Variants in CADM2 observed in about 807,000 individuals in gnomAD.
CADM2 encodes immunoglobulin superfamily member 4D.
CADM2 carries 12 observed loss-of-function variants against 49.8 expected under a neutral mutation model. The ratio of observed to expected loss-of-function variants is 0.24; its 90% CI spans 0.15 to 0.39. CADM2 has a LOEUF of 0.39. CADM2 is among the 10% of genes least tolerant of loss of function. The pLI, the probability that CADM2 is intolerant of heterozygous loss-of-function variation, is 1.00. For missense variants in CADM2, 378 were observed against 492.3 expected (o/e 0.77, Z 2.20); for synonymous variants, 214 against 175.4 (o/e 1.22, Z -1.74).
chr3:84,967,117 A>G (rs907925020), intron 1 of CADM2, among the ~76,000 whole-genome samples: 17 of 152,132 alleles, frequency 1.1e-4, no homozygotes, highest in African/African-American at 3.6e-4. Context: ...GAATGAGAAC[A>G]TACCTTTCCT....
intron 1 of CADM2, among the ~76,000 whole-genome samples, chr3:85,259,905 C>T (rs2042976216): frequency 6.6e-6 from 1 of 151,970 alleles, no homozygotes; most frequent in African/African-American, 2.4e-5. Context: ...AATCGTTGTG[C>T]CAGGGTTTCC....
chr3:85,546,539 T>C (rs1469743220), intron 1 of CADM2, among the ~76,000 whole-genome samples: 1 of 152,028 alleles, frequency 6.6e-6, no homozygotes, highest in African/African-American at 2.4e-5. Context: ...AACATTAGAA[T>C]GGGCTCCAAG....
chr3:85,755,789 T>A (rs1209413003), intron 2 of CADM2, among the ~76,000 whole-genome samples: 1 of 152,074 alleles, frequency 6.6e-6, no homozygotes, highest in East Asian at 1.9e-4. Flanking sequence ...ACCCCCATGA[T>A]CCAATCACCC....
intron 3 of CADM2, among the ~76,000 whole-genome samples, chr3:85,876,867 G>C (rs1355252780): frequency 2.0e-5 from 3 of 152,088 alleles, no homozygotes; most frequent in African/African-American, 7.2e-5. Context: ...CCTTTTGTTA[G>C]AAATGGGCAT....
intron 1 of CADM2, among the ~76,000 whole-genome samples, chr3:85,495,255 A>G (rs2039840362): frequency 6.6e-6 from 1 of 152,196 alleles, no homozygotes; most frequent in African/African-American, 2.4e-5. Flanking sequence ...CTTCTCTTCC[A>G]TGAATAACTT....
intron 1 of CADM2, among the ~76,000 whole-genome samples, chr3:85,371,677 G>GTGTGTATATATATATATATA (rs1251505613): frequency 1.1e-5 from 1 of 95,152 alleles, no homozygotes; most frequent in Admixed American, 1.3e-4. Context: ...GTGTGTGTGT[G>GTGTGTATATATATATATATA]TATATATATA....
At chr3:85,031,567 T>A (rs1466700331) in intron 1 of CADM2, among the ~76,000 whole-genome samples, 1 of 152,100 alleles carries the variant, frequency 6.6e-6, no homozygotes, top group Non-Finnish European at 1.5e-5. Context: ...CGGGCTGGAG[T>A]GCAGTGGCGC....
At chr3:85,261,199 A>G (rs982855028) in intron 1 of CADM2, among the ~76,000 whole-genome samples, 3 of 151,934 alleles carry the variant, frequency 2.0e-5, no homozygotes, top group Non-Finnish European at 4.4e-5. Flanking sequence ...TGCAGTGGCA[A>G]GATCTTGGCT....
At chr3:85,641,770 C>CA (rs34883542) in intron 1 of CADM2, among the ~76,000 whole-genome samples, 5,709 of 144,734 alleles carry the variant, frequency 0.039, 240 homozygotes, top group African/African-American at 0.1. Flanking sequence ...ACTAAAAATA[C>CA]AAAAAAAAAA....
At chr3:85,890,312 G>C (rs1404722447) in intron 5 of CADM2, among the ~76,000 whole-genome samples, 1 of 152,110 alleles carries the variant, frequency 6.6e-6, no homozygotes, top group Non-Finnish European at 1.5e-5. Context: ...TAGGGGAAAG[G>C]TAAATTATGC....
chr3:85,436,680 T>C (rs1213386893), intron 1 of CADM2, among the ~76,000 whole-genome samples: 1 of 152,212 alleles, frequency 6.6e-6, no homozygotes, highest in Admixed American at 6.6e-5. Flanking sequence ...AAATCAAACA[T>C]TTTAAAGTAA....
At chr3:85,859,719 G>C (rs2075451172) in intron 3 of CADM2, among the ~76,000 whole-genome samples, 1 of 152,060 alleles carries the variant, frequency 6.6e-6, no homozygotes, top group Non-Finnish European at 1.5e-5. Flanking sequence ...TTCCTTGCTA[G>C]GGCAGTACCT....
At chr3:85,524,944 T>C (rs1295944452) in intron 1 of CADM2, among the ~76,000 whole-genome samples, 1 of 152,152 alleles carries the variant, frequency 6.6e-6, no homozygotes, top group African/African-American at 2.4e-5. Context: ...TTGCCTGATA[T>C]TGATATAGTT....
chr3:85,611,552 C>G (rs1309784343), intron 1 of CADM2, among the ~76,000 whole-genome samples: 2 of 151,538 alleles, frequency 1.3e-5, no homozygotes, highest in East Asian at 3.9e-4. Context: ...AGCTAATAAA[C>G]TCTTAAACAT....
chr3:85,815,931 T>G (rs183474810), intron 3 of CADM2, among the ~76,000 whole-genome samples: 20 of 152,216 alleles, frequency 1.3e-4, no homozygotes, highest in South Asian at 1.0e-3. Context: ...ATTCTTAAAG[T>G]AAATTTCAAA....
At chr3:85,392,178 G>C (rs989957094) in intron 1 of CADM2, among the ~76,000 whole-genome samples, 1 of 152,052 alleles carries the variant, frequency 6.6e-6, no homozygotes, top group Non-Finnish European at 1.5e-5. Flanking sequence ...AGAACAGTGA[G>C]TTAGATTGCT....
chr3:85,718,912 A>T (rs868507873), intron 1 of CADM2, among the ~76,000 whole-genome samples: 1 of 114,386 alleles, frequency 8.7e-6, no homozygotes. Flanking sequence ...TATTATTATT[A>T]TTATTATTAT....
intron 1 of CADM2, among the ~76,000 whole-genome samples, chr3:85,152,977 A>G (rs2039978228): frequency 6.6e-6 from 1 of 151,448 alleles, no homozygotes; most frequent in Admixed American, 6.6e-5. Context: ...AAAAAAAAAA[A>G]ATGTAAAAAA....
chr3:85,085,342 A>C (rs1189375434), intron 1 of CADM2, among the ~76,000 whole-genome samples: 3 of 152,160 alleles, frequency 2.0e-5, no homozygotes, highest in Non-Finnish European at 2.9e-5. Context: ...TGTTTCACTT[A>C]GCATAACATC....
Sources: gnomAD v4.1 joint callset for allele counts (sites outside exome capture counted in the v4.1 genomes callset) on GRCh38, gnomAD v4.1.1 for gene constraint, MANE v1.5 for transcripts, NCBI Gene and HGNC (gene_info 2026-07-23, HGNC 2026-07-21) for gene names.